The following GALNTL6 variants were observed in gnomAD, a reference collection of about 807,000 sequenced individuals.
GALNTL6 encodes the protein polypeptide N-acetylgalactosaminyltransferase-like 6.
GALNTL6 carries 46 observed loss-of-function variants against 73.7 expected under a neutral mutation model. The ratio of observed to expected loss-of-function variants is 0.62; its 90% CI spans 0.49 to 0.80. GALNTL6 has a LOEUF of 0.80. GALNTL6 is among the 30% of genes least tolerant of loss of function. The probability of loss-of-function intolerance (pLI) is 0.00; values close to 1 mark genes in which losing one functional copy is unlikely to be tolerated. For missense variants in GALNTL6, 604 were observed against 755.0 expected (o/e 0.80, Z 2.34); for synonymous variants, 259 against 263.7 (o/e 0.98, Z 0.17).
chr4:172,343,784 G>T (rs1308660650), intron 4 of GALNTL6, among the ~76,000 whole-genome samples: 1 of 151,668 alleles, frequency 6.6e-6, no homozygotes, highest in African/African-American at 2.4e-5. Context: ...AAATAATTTG[G>T]ATTTTTTTTT....
intron 8 of GALNTL6, among the ~76,000 whole-genome samples, chr4:172,908,122 T>C (rs1198913623): frequency 6.6e-6 from 1 of 152,168 alleles, no homozygotes; most frequent in Non-Finnish European, 1.5e-5. Flanking sequence ...CCAGGCAAAA[T>C]GGAGCAGGAG....
At chr4:172,735,076 T>C (rs6553650) in intron 5 of GALNTL6, among the ~76,000 whole-genome samples, 146,323 of 152,272 alleles carry the variant, frequency 0.96, 70,573 homozygotes, top group South Asian at 1. Context: ...GTCCCCACTG[T>C]GGCACTGCCT....
intron 5 of GALNTL6, among the ~76,000 whole-genome samples, chr4:172,362,826 A>G (rs1380955254): frequency 1.3e-5 from 2 of 152,112 alleles, no homozygotes; most frequent in Non-Finnish European, 2.9e-5. Context: ...TCTTCCTCAC[A>G]TCCCACATCC....
intron 5 of GALNTL6, among the ~76,000 whole-genome samples, chr4:172,467,806 TTTTCTTTCTTTCTTTCTTTCTTTC>T (rs57581185): frequency 6.0e-4 from 73 of 121,848 alleles, no homozygotes; most frequent in Admixed American, 8.9e-4. Context: ...GCATTTTACA[TTTTCTTTCTTTCTTTCTTTCTTTC>T]TTTCTTTCTT....
At chr4:172,780,378 G>T (rs1422289816) in intron 5 of GALNTL6, among the ~76,000 whole-genome samples, 1 of 152,124 alleles carries the variant, frequency 6.6e-6, no homozygotes, top group Non-Finnish European at 1.5e-5. Context: ...AAAAATTTGG[G>T]CAGGTAAACT....
At chr4:171,840,654 G>A (rs572292405) in intron 2 of GALNTL6, among the ~76,000 whole-genome samples, 1 of 152,258 alleles carries the variant, frequency 6.6e-6, no homozygotes, top group African/African-American at 2.4e-5. Context: ...GGAGAGAAAA[G>A]ACAAATTAAT....
At chr4:172,028,538 T>G (rs767482347) in intron 2 of GALNTL6, among the ~76,000 whole-genome samples, 65 of 152,078 alleles carry the variant, frequency 4.3e-4, no homozygotes, top group Non-Finnish European at 4.1e-4. Flanking sequence ...TAGATTGAGA[T>G]AGTAAGATAA....
chr4:172,326,063 C>CA (rs1740930451), intron 4 of GALNTL6, among the ~76,000 whole-genome samples: 1 of 151,712 alleles, frequency 6.6e-6, no homozygotes, highest in Non-Finnish European at 1.5e-5. Context: ...GAACAATCTC[C>CA]AAAAACTTAG....
intron 5 of GALNTL6, among the ~76,000 whole-genome samples, chr4:172,560,315 A>G (rs1736306717): frequency 7.4e-6 from 1 of 135,154 alleles, no homozygotes; most frequent in Non-Finnish European, 1.6e-5. Context: ...TCTCTGCAAA[A>G]TAAAAATTAA....
At chr4:172,173,956 A>G (rs1734912229) in intron 2 of GALNTL6, among the ~76,000 whole-genome samples, 1 of 151,494 alleles carries the variant, frequency 6.6e-6, no homozygotes, top group African/African-American at 2.5e-5. Context: ...AGGAGGTGAA[A>G]AGATAGTCAG....
At position 172,936,254 on chromosome 4, in the gene GALNTL6, T is replaced by A. The variant is rs1748613004; in HGVS notation, c.1149+4986T>A. Among the ~76,000 whole-genome samples the A allele has an allele frequency of 2.0e-5, 3 of 152,164 alleles. No homozygotes were observed. The South Asian group carries it at 6.2e-4, about 32-fold the overall frequency. On this transcript the variant is annotated intron_variant, in intron 9 of 12. Transcript: ENST00000506823. ...ACCCCTTCATTCTGAAAACTCTCAA[T>A]AAACTAGGTATCGATGGAACGTATC...
At chr4:172,590,813 G>A (rs1403645310) in intron 5 of GALNTL6, among the ~76,000 whole-genome samples, 2 of 151,312 alleles carry the variant, frequency 1.3e-5, no homozygotes, top group African/African-American at 4.8e-5. Context: ...CTGACAAAAG[G>A]GAGTAATAAT....
At chr4:172,552,349 C>A (rs560550849) in intron 5 of GALNTL6, among the ~76,000 whole-genome samples, 2 of 152,030 alleles carry the variant, frequency 1.3e-5, no homozygotes, top group Non-Finnish European at 2.9e-5. Flanking sequence ...TCGGAAAGTT[C>A]TATAGCCCAA....
At chr4:171,846,074 A>G (rs1459323464) in intron 2 of GALNTL6, among the ~76,000 whole-genome samples, 1 of 152,126 alleles carries the variant, frequency 6.6e-6, no homozygotes, top group Non-Finnish European at 1.5e-5. Context: ...CATTTATTTT[A>G]TGACAGATAT....
At position 171,934,779 on chromosome 4, in the gene GALNTL6, G is replaced by A. The variant is rs571721609; in HGVS notation, c.138+120061G>A. Among the ~76,000 whole-genome samples the A allele has an allele frequency of 2.0e-5, 3 of 152,264 alleles. No homozygotes were observed. The East Asian group carries it at 5.8e-4, about 29-fold the overall frequency. On this transcript the variant is annotated intron_variant, in intron 2 of 12. Transcript: ENST00000506823. ...CATTTGGAAACTCTTAGAGCGAAAA[G>A]GCTAGAATACTACAGTTTCTGTTAA...
chr4:172,383,490 T>C (rs1418553377), intron 5 of GALNTL6, among the ~76,000 whole-genome samples: 1 of 152,188 alleles, frequency 6.6e-6, no homozygotes, highest in Non-Finnish European at 1.5e-5. Context: ...TTAGTTCTAA[T>C]TTTTGTGTGA....
intron 5 of GALNTL6, among the ~76,000 whole-genome samples, chr4:172,351,181 G>GTCTGTCTGTCTGTCTATCTATTTATCTA (rs139731159): frequency 2.2e-4 from 27 of 122,606 alleles, no homozygotes; most frequent in South Asian, 5.0e-4. Context: ...ACAATAATCT[G>GTCTGTCTGTCTGTCTATCTATTTATCTA]TCTATCTATC....
intron 2 of GALNTL6, among the ~76,000 whole-genome samples, chr4:171,949,214 C>T (rs1255069399): frequency 6.6e-6 from 1 of 152,130 alleles, no homozygotes; most frequent in East Asian, 1.9e-4. Flanking sequence ...GGGGAGCCCA[C>T]TACCAAAGGA....
chr4:172,117,614 CA>C (rs1011086505), intron 2 of GALNTL6, among the ~76,000 whole-genome samples: 7 of 152,018 alleles, frequency 4.6e-5, no homozygotes, highest in African/African-American at 1.7e-4. Context: ...ATAATCAATG[CA>C]AATTTTTGGT....
Sources: gnomAD v4.1 joint callset for allele counts (sites outside exome capture counted in the v4.1 genomes callset) on GRCh38, gnomAD v4.1.1 for gene constraint, MANE v1.5 for transcripts, NCBI Gene and HGNC (gene_info 2026-07-23, HGNC 2026-07-21) for gene names.